KCNH1: variants seen among roughly 807,000 people sequenced by gnomAD.
KCNH1 encodes the protein potassium voltage-gated channel subfamily H member 1.
A neutral mutation model predicts 69.2 loss-of-function variants in KCNH1; 27 were observed. That is an observed-to-expected ratio of 0.39 (90% confidence interval 0.29 to 0.54). KCNH1 has a LOEUF of 0.54. KCNH1 is among the 20% of genes least tolerant of loss of function. The pLI is 0.68. For missense variants in KCNH1, 798 were observed against 1,261.6 expected (o/e 0.63, Z 5.57); for synonymous variants, 456 against 487.7 (o/e 0.93, Z 0.86).
chr1:210,819,552 G>A (rs1267124947), intron 7 of KCNH1, among the ~76,000 whole-genome samples: 1 of 151,472 alleles, frequency 6.6e-6, no homozygotes, highest in Non-Finnish European at 1.5e-5. Context: ...AGAGTAGAGA[G>A]AAACCTGAAA....
intron 7 of KCNH1, among the ~76,000 whole-genome samples, chr1:210,900,400 A>G (rs1178443979): frequency 1.3e-5 from 2 of 152,192 alleles, no homozygotes; most frequent in African/African-American, 2.4e-5. Flanking sequence ...TTTTTCAGCT[A>G]CATACATCTT....
rs946073586 is a variant in KCNH1 at position 211,112,506 on chromosome 1, A to T, written c.80-5129T>A. Among the ~76,000 whole-genome samples, 10 of 149,818 alleles carry T rather than the reference A, an allele frequency of 6.7e-5. No individual in the cohort carries two copies. The East Asian group carries it at 1.0e-3, about 15-fold the overall frequency. On this transcript the variant is annotated intron_variant, in intron 1 of 10. Transcript: ENST00000271751. ...TTTACTTTTTATTAAATAAATAAAA[A>T]AAAAAAAAAAAAAAAAACAAGCCCA...
chr1:211,128,581 G>T (rs911502379), intron 1 of KCNH1, among the ~76,000 whole-genome samples: 4 of 151,424 alleles, frequency 2.6e-5, no homozygotes, highest in Admixed American at 2.6e-4. Context: ...GGCTTCTAGA[G>T]GTCTGGCAAG....
At chr1:211,056,442 C>T (rs1690306737) in intron 5 of KCNH1, among the ~76,000 whole-genome samples, 1 of 152,066 alleles carries the variant, frequency 6.6e-6, no homozygotes. Flanking sequence ...TATCTCTGGA[C>T]CCATCCAAGG....
At chr1:210,998,493 A>G (rs1689099207) in intron 6 of KCNH1, among the ~76,000 whole-genome samples, 1 of 152,350 alleles carries the variant, frequency 6.6e-6, no homozygotes, top group African/African-American at 2.4e-5. Context: ...CCAACACAGG[A>G]GCACCCAGAT....
At chr1:210,757,878 T>C (rs961657629) in intron 10 of KCNH1, among the ~76,000 whole-genome samples, 5 of 152,364 alleles carry the variant, frequency 3.3e-5, no homozygotes, top group Admixed American at 3.3e-4. Context: ...CCTTAGGCAG[T>C]GGCCAGAGGC....
chr1:210,734,095 A>G (rs1682810999), intron 10 of KCNH1, among the ~76,000 whole-genome samples: 1 of 152,172 alleles, frequency 6.6e-6, no homozygotes, highest in African/African-American at 2.4e-5. Flanking sequence ...GAAATCTTGC[A>G]ATACAGAATC....
chr1:210,967,977 A>C (rs1363631163), intron 6 of KCNH1, among the ~76,000 whole-genome samples: 1 of 151,902 alleles, frequency 6.6e-6, no homozygotes, highest in East Asian at 1.9e-4. Flanking sequence ...CTAACTCGTC[A>C]TCTAGCATTA....
chr1:210,745,195 C>T (rs1683122522), intron 10 of KCNH1, among the ~76,000 whole-genome samples: 1 of 152,092 alleles, frequency 6.6e-6, no homozygotes, highest in African/African-American at 2.4e-5. Context: ...CAGACTGAGA[C>T]TCTGTCTCAA....
intron 7 of KCNH1, among the ~76,000 whole-genome samples, chr1:210,845,694 C>T (rs1437562568): frequency 5.9e-5 from 9 of 152,162 alleles, no homozygotes; most frequent in African/African-American, 1.4e-4. Flanking sequence ...TCTCTCACCA[C>T]TCCTATTCAA....
chr1:210,803,559 A>C (rs1424286243), intron 8 of KCNH1, among the ~76,000 whole-genome samples: 3 of 152,244 alleles, frequency 2.0e-5, no homozygotes, highest in African/African-American at 7.2e-5. Flanking sequence ...GATGAACAAA[A>C]TATCAAAAGT....
At chr1:210,790,773 C>G (rs1184483466) in intron 9 of KCNH1, among the ~76,000 whole-genome samples, 1 of 152,208 alleles carries the variant, frequency 6.6e-6, no homozygotes, top group Non-Finnish European at 1.5e-5. Context: ...CTCCTGGTCT[C>G]TCCGTTCAAT....
intron 7 of KCNH1, among the ~76,000 whole-genome samples, chr1:210,821,273 A>G (rs1684922062): frequency 6.6e-6 from 1 of 152,168 alleles, no homozygotes; most frequent in Non-Finnish European, 1.5e-5. Flanking sequence ...GAGATACATA[A>G]TGGAACTGAT....
intron 6 of KCNH1, among the ~76,000 whole-genome samples, chr1:210,924,981 T>C: frequency 6.6e-6 from 1 of 151,482 alleles, no homozygotes; most frequent in East Asian, 1.9e-4. Context: ...CAACTGATGC[T>C]ATAGGACATA....
intron 10 of KCNH1, among the ~76,000 whole-genome samples, chr1:210,706,254 C>A (rs896418330): frequency 6.6e-6 from 1 of 151,718 alleles, no homozygotes; most frequent in Non-Finnish European, 1.5e-5. Flanking sequence ...AATTTAGACA[C>A]CAGCTCTTGC....
intron 6 of KCNH1, among the ~76,000 whole-genome samples, chr1:210,984,148 T>C (rs1482923599): frequency 6.6e-6 from 1 of 152,244 alleles, no homozygotes; most frequent in Non-Finnish European, 1.5e-5. Context: ...TGAAGTTGTC[T>C]ATCAGCTTAA....
chr1:210,856,170 A>C (rs1202393504), intron 7 of KCNH1, among the ~76,000 whole-genome samples: 1 of 152,210 alleles, frequency 6.6e-6, no homozygotes, highest in Non-Finnish European at 1.5e-5. Context: ...ATTTAGCTAG[A>C]GTCCACAGTT....
At chr1:210,786,711 C>T (rs1262375949) in intron 9 of KCNH1, among the ~76,000 whole-genome samples, 5 of 152,148 alleles carry the variant, frequency 3.3e-5, no homozygotes, top group Non-Finnish European at 7.3e-5. Flanking sequence ...CAGCTCAAAC[C>T]CACAGATCTA....
intron 7 of KCNH1, among the ~76,000 whole-genome samples, chr1:210,873,387 G>T (rs1686292740): frequency 6.6e-6 from 1 of 152,082 alleles, no homozygotes; most frequent in Admixed American, 6.5e-5. Flanking sequence ...TCACTCTGTT[G>T]TCCAGGCTGG....
Sources: allele counts gnomAD v4.1 joint callset (sites outside exome capture counted in the v4.1 genomes callset), GRCh38; gene constraint gnomAD v4.1.1; transcripts MANE v1.5; gene names NCBI Gene and HGNC (gene_info 2026-07-23, HGNC 2026-07-21).